Variants in SLC24A4 observed in about 807,000 individuals in gnomAD.
The protein encoded by SLC24A4 is solute carrier family 24 member 4, also known as sodium/potassium/calcium exchanger 4.
A neutral mutation model predicts 79.0 loss-of-function variants in SLC24A4; 53 were observed. The observed-to-expected ratio is 0.67, with a 90% confidence interval of 0.54 to 0.84. The LOEUF is 0.84. SLC24A4 is among the 40% of genes least tolerant of loss of function. SLC24A4 has a pLI of 0.00. For missense variants in SLC24A4, 731 were observed against 822.0 expected (o/e 0.89, Z 1.35); for synonymous variants, 323 against 323.8 (o/e 1.00, Z 0.03).
chr14:92,464,635 G>T (rs1476518927), intron 12 of SLC24A4, among the ~76,000 whole-genome samples: 1 of 151,996 alleles, frequency 6.6e-6, no homozygotes, highest in Non-Finnish European at 1.5e-5. Context: ...CAGCCTCACC[G>T]CAATTCTGCT....
At position 92,485,346 on chromosome 14, in the gene SLC24A4, T is replaced by C. The variant is rs72631616; in HGVS notation, c.1423-1320T>C. ...CAGGTGTGGTGGCATGCACCTGTAG[T>C]TGCAGCTACTCAGGAGGCTGAAGTG... On this transcript the variant is annotated intron_variant, in intron 13 of 16. Transcript: ENST00000532405. Among the ~76,000 whole-genome samples the C allele has an allele frequency of 8.1e-3, 1,232 of 152,158 alleles. 66 individuals carry two copies. The East Asian group carries it at 0.14, about 18-fold the overall frequency.
intron 2 of SLC24A4, among the ~76,000 whole-genome samples, chr14:92,351,915 G>GAAGGAAAGGAAGGA (rs1555361030): frequency 2.8e-5 from 4 of 140,380 alleles, no homozygotes; most frequent in Non-Finnish European, 6.1e-5. Flanking sequence ...GGAAGGAAAG[G>GAAGGAAAGGAAGGA]AAGGAAAGGA....
At chr14:92,475,156 G>A (rs1480159289) in intron 12 of SLC24A4, among the ~76,000 whole-genome samples, 2 of 151,988 alleles carry the variant, frequency 1.3e-5, no homozygotes, top group African/African-American at 2.4e-5. Context: ...AGGCTCATGA[G>A]GACTGCTCCC....
chr14:92,323,669 C>G lies in SLC24A4; in HGVS notation c.-162C>G, dbSNP rs2141579941. The G allele has an allele frequency of 1.2e-6, 1 of 865,586 alleles. No homozygotes were observed. Among genetic ancestry groups the G allele is most frequent in the East Asian group, 3.2e-5 (1 of 31,008 alleles). The allele number at this position is 865,586 out of a possible 1,614,324, so 53.6% of individuals were successfully genotyped here. A position where few individuals can be genotyped will look rare whatever the true frequency, so the allele number is the denominator to read the frequency against. On this transcript the variant is annotated 5_prime_UTR_variant, in exon 1 of 17. Coordinates refer to ENST00000532405, the MANE Select transcript of SLC24A4 (RefSeq NM_153646.4). This position sits in a 1 kb window ranked among gnomAD's most constrained non-coding sequence, Gnocchi z 4.9. ...GCGTCCCCACCTTCCCAAGGGGCTC[C>G]CCCGCCGACCTCGCCCTCGGGCCAT... is the stretch of plus-strand genomic sequence containing the variant.
Position 92,333,209 on chromosome 14 carries a change from T to A in SLC24A4, c.241+7231T>A, listed in dbSNP as rs1468193434. ...CCCAGGTTCAAGCGATTTTCCTGCCTCAGCCTCCCAAGTAGCTGGGATTAC... is the reference window on the plus strand; with the variant it reads ...CCCAGGTTCAAGCGATTTTCCTGCCACAGCCTCCCAAGTAGCTGGGATTAC... On this transcript the variant is annotated intron_variant, in intron 2 of 16. Transcript: ENST00000532405. Among the ~76,000 whole-genome samples, 4 of 152,306 alleles carry A rather than the reference T, an allele frequency of 2.6e-5. No homozygotes were observed. In the East Asian group the frequency reaches 7.7e-4, roughly 29 times the overall value.
intron 2 of SLC24A4, among the ~76,000 whole-genome samples, chr14:92,385,743 G>T (rs1286129628): frequency 6.6e-6 from 1 of 152,130 alleles, no homozygotes; most frequent in Admixed American, 6.5e-5. Context: ...CAGCTGCCTG[G>T]GAAGAGTGAT....
chr14:92,498,836 G>A lies in SLC24A4; in HGVS notation c.*5208G>A, dbSNP rs1159251807. On this transcript the variant is annotated 3_prime_UTR_variant, in exon 17 of 17. Coordinates refer to ENST00000532405, the MANE Select transcript of SLC24A4 (RefSeq NM_153646.4). Reference sequence around the variant, plus strand: ...TTGATTTAGGTTGCTGTGTTTGCTTGTTGATAAAGAAAACTCAATCGGGAC... The same window carrying A: ...TTGATTTAGGTTGCTGTGTTTGCTTATTGATAAAGAAAACTCAATCGGGAC... 6.6e-6 allele frequency: 1 copy of A among 152,274 alleles called. No individual in the cohort carries two copies. Among genetic ancestry groups the A allele is most frequent in the African/African-American group, 2.4e-5 (1 of 41,458 alleles). The allele number at this position is 152,274 out of a possible 1,614,324, so 9.4% of individuals were successfully genotyped here. A position where few individuals can be genotyped will look rare whatever the true frequency, so the allele number is the denominator to read the frequency against.
intron 2 of SLC24A4, among the ~76,000 whole-genome samples, chr14:92,377,170 C>T (rs1888560543): frequency 6.6e-6 from 1 of 152,242 alleles, no homozygotes; most frequent in South Asian, 2.1e-4. Flanking sequence ...GGGTTTCGAA[C>T]TTGGATCTGC....
intron 9 of SLC24A4, among the ~76,000 whole-genome samples, chr14:92,448,106 T>A (rs766286388): frequency 4.4e-4 from 67 of 152,128 alleles, no homozygotes; most frequent in Admixed American, 1.8e-3. Flanking sequence ...ACATGAGGGA[T>A]CTAGAAGAGC....
intron 12 of SLC24A4, among the ~76,000 whole-genome samples, chr14:92,463,224 C>T (rs1893914266): frequency 6.6e-6 from 1 of 152,176 alleles, no homozygotes; most frequent in Non-Finnish European, 1.5e-5. Context: ...TTAAATAGCT[C>T]TTGAGAGGGC....
chr14:92,333,283 G>C (rs1349623186), intron 2 of SLC24A4, among the ~76,000 whole-genome samples: 1 of 139,796 alleles, frequency 7.2e-6, no homozygotes, highest in Non-Finnish European at 1.5e-5. Context: ...TAGTAGAGAG[G>C]GGGGTTTTGC....
chr14:92,407,237 T>A (rs1460264690), intron 2 of SLC24A4, among the ~76,000 whole-genome samples: 1 of 152,246 alleles, frequency 6.6e-6, no homozygotes, highest in Non-Finnish European at 1.5e-5. Flanking sequence ...CATCTGAGAC[T>A]ACCTCAGCCT....
rs9989150 is a variant in SLC24A4 at position 92,448,987 on chromosome 14, G to A, written c.738-87G>A. ...ACCACTCCTGGGCTGTGCTGACTGC[G>A]TGCAGGGATGGGGTGTGATCCACCC... On this transcript the variant is annotated intron_variant, in intron 9 of 16. Coordinates refer to ENST00000532405, the MANE Select transcript of SLC24A4 (RefSeq NM_153646.4). 1.3e-4 allele frequency: 200 copies of A among 1,521,828 alleles called. 1 individual carries two copies. The highest frequency in any genetic ancestry group is 7.4e-4 in the African/African-American group (54 of 73,320). 94.3% of individuals were successfully genotyped at this position (1,521,828 alleles called of 1,614,324 possible).
At chr14:92,369,088 G>A (rs558670252) in intron 2 of SLC24A4, among the ~76,000 whole-genome samples, 12 of 152,150 alleles carry the variant, frequency 7.9e-5, no homozygotes, top group Non-Finnish European at 1.3e-4. Flanking sequence ...CCACAATGAG[G>A]CCGTCAGCCC....
chr14:92,328,653 C>T (rs1255919903), intron 2 of SLC24A4, among the ~76,000 whole-genome samples: 3 of 152,256 alleles, frequency 2.0e-5, no homozygotes, highest in Non-Finnish European at 4.4e-5. Flanking sequence ...TGGTTACCAC[C>T]GGCCCAACCT....
intron 12 of SLC24A4, among the ~76,000 whole-genome samples, chr14:92,470,919 A>G (rs1317053822): frequency 6.6e-6 from 1 of 152,226 alleles, no homozygotes; most frequent in Middle Eastern, 3.2e-3. Context: ...CCCAGGGTTC[A>G]GAGGAAACAA....
intron 2 of SLC24A4, among the ~76,000 whole-genome samples, chr14:92,415,807 T>C (rs982350980): frequency 6.6e-6 from 1 of 151,678 alleles, no homozygotes; most frequent in Non-Finnish European, 1.5e-5. Flanking sequence ...GGGGAACAGG[T>C]GGTATTTGGT....
chr14:92,343,598 TTC>T (rs1451213704), intron 2 of SLC24A4, among the ~76,000 whole-genome samples: 3 of 141,750 alleles, frequency 2.1e-5, no homozygotes, highest in Non-Finnish European at 4.6e-5. Flanking sequence ...CTTTCTTTCT[TTC>T]TTTCTTTCTT....
At chr14:92,474,056 T>C (rs1234925113) in intron 12 of SLC24A4, among the ~76,000 whole-genome samples, 1 of 152,206 alleles carries the variant, frequency 6.6e-6, no homozygotes, top group Non-Finnish European at 1.5e-5. Context: ...CTTGATCAAG[T>C]GCAACTGGGT....
Sources: allele counts gnomAD v4.1 joint callset (sites outside exome capture counted in the v4.1 genomes callset), GRCh38; gene constraint gnomAD v4.1.1; non-coding constraint Gnocchi (gnomAD v3.1); transcripts MANE v1.5; gene names NCBI Gene and HGNC (gene_info 2026-07-23, HGNC 2026-07-21).